Variants in EIF4G3 observed in about 807,000 individuals in gnomAD.
EIF4G3 encodes eIF-4-gamma 3.
In EIF4G3, 34 loss-of-function variants were observed where a neutral mutation model predicts 186.4. The observed-to-expected ratio is 0.18, with a 90% CI of 0.14 to 0.24. EIF4G3 has a LOEUF of 0.24. EIF4G3 is among the 10% of genes least tolerant of loss of function. The probability of loss-of-function intolerance (pLI) is 1.00; values close to 1 mark genes in which losing one functional copy is unlikely to be tolerated. For missense variants in EIF4G3, 1,536 were observed against 1,948.5 expected (o/e 0.79, Z 3.99); for synonymous variants, 673 against 679.5 (o/e 0.99, Z 0.15).
At chr1:20,821,181 A>G (rs961408594) in intron 33 of EIF4G3, among the ~76,000 whole-genome samples, 2 of 152,202 alleles carry the variant, frequency 1.3e-5, no homozygotes, top group Non-Finnish European at 1.5e-5. Flanking sequence ...CTTCAGCATG[A>G]AAGAGTTGAA....
chr1:20,943,974 T>TG lies in EIF4G3; in HGVS notation c.824-1645_824-1644insC, dbSNP rs1558363606. Among the ~76,000 whole-genome samples, 238 of 62,536 alleles carry TG rather than the reference T, an allele frequency of 3.8e-3. 12 individuals carry two copies. The highest frequency in any genetic ancestry group is 9.3e-3 in the African/African-American group (170 of 18,298). 41.0% of individuals were successfully genotyped at this position (62,536 alleles called of 152,430 possible). ...TCAGGAAAACTTGTCTTTATTTTTT[T>TG]TGTGTGTGTGTGTGTGTGTGTGTGT... On this transcript the variant is annotated intron_variant, in intron 13 of 36. Coordinates refer to ENST00000602326, the MANE Select transcript of EIF4G3 (RefSeq NM_001391906.1).
chr1:21,023,513 G>A (rs1571196814), intron 4 of EIF4G3, among the ~76,000 whole-genome samples: 1 of 152,166 alleles, frequency 6.6e-6, no homozygotes, highest in East Asian at 1.9e-4. Context: ...GCCAGCCTCG[G>A]CCTCCCGAGG....
intron 34 of EIF4G3, among the ~76,000 whole-genome samples, chr1:20,816,421 C>T (rs1406088244): frequency 7.8e-6 from 1 of 128,328 alleles, no homozygotes; most frequent in Non-Finnish European, 1.7e-5. Flanking sequence ...GTGGGGGCGC[C>T]TCTGCCCGGC....
At chr1:21,024,703 AAG>A (rs1262832104) in intron 4 of EIF4G3, among the ~76,000 whole-genome samples, 1 of 150,068 alleles carries the variant, frequency 6.7e-6, no homozygotes, top group African/African-American at 2.5e-5. Flanking sequence ...CATGCTCGTT[AAG>A]AGTCATCACC....
chr1:21,031,728 T>C (rs2154571924), intron 4 of EIF4G3, among the ~76,000 whole-genome samples: 1 of 152,236 alleles, frequency 6.6e-6, no homozygotes, highest in East Asian at 1.9e-4. Context: ...AAAAAGTATA[T>C]CCAGATAACT....
At chr1:20,824,658 C>G (rs1264104343) in intron 33 of EIF4G3, among the ~76,000 whole-genome samples, 1 of 152,186 alleles carries the variant, frequency 6.6e-6, no homozygotes, top group Non-Finnish European at 1.5e-5. Flanking sequence ...GGGTATAAGA[C>G]TGTGTCTACT....
intron 3 of EIF4G3, among the ~76,000 whole-genome samples, chr1:21,067,767 G>GA (rs2154579611): frequency 6.6e-6 from 1 of 152,124 alleles, no homozygotes; most frequent in African/African-American, 2.4e-5. Context: ...ACTGCAAGGG[G>GA]AAAATCTGTC....
chr1:20,884,104 C>T (rs1172355499), intron 19 of EIF4G3, among the ~76,000 whole-genome samples: 1 of 152,076 alleles, frequency 6.6e-6, no homozygotes. Flanking sequence ...GGCAACAAAG[C>T]AAGTCCATAT....
chr1:21,049,847 T>C (rs975060755), intron 4 of EIF4G3, among the ~76,000 whole-genome samples: 6 of 152,084 alleles, frequency 3.9e-5, no homozygotes, highest in African/African-American at 1.2e-4. Context: ...GCTATGATCA[T>C]GCCACTGTAC....
At chr1:20,997,243 T>C (rs1160947486) in intron 7 of EIF4G3, among the ~76,000 whole-genome samples, 2 of 152,134 alleles carry the variant, frequency 1.3e-5, no homozygotes, top group Non-Finnish European at 2.9e-5. Flanking sequence ...AGAAAACCCA[T>C]AGAATGCTGC....
intron 20 of EIF4G3, among the ~76,000 whole-genome samples, chr1:20,868,712 G>A (rs1325040201): frequency 6.6e-6 from 1 of 152,206 alleles, no homozygotes; most frequent in Non-Finnish European, 1.5e-5. Context: ...TAAAATGTGT[G>A]TGTTTAAATG....
intron 2 of EIF4G3, among the ~76,000 whole-genome samples, chr1:21,144,101 A>AT (rs979710248): frequency 6.6e-6 from 1 of 152,020 alleles, no homozygotes; most frequent in Non-Finnish European, 1.5e-5. Flanking sequence ...CTTGGCTTCT[A>AT]TTTTTTTGGT....
chr1:20,943,974 TTGTGTGTGTGTGTGTGTG>T (rs1163268356), intron 13 of EIF4G3, among the ~76,000 whole-genome samples: 4 of 62,468 alleles, frequency 6.4e-5, no homozygotes, highest in African/African-American at 1.6e-4. Context: ...TTTATTTTTT[TTGTGTGTGTGTGTGTGTG>T]TGTGTGTGTG....
chr1:21,065,058 C>T (rs764815252), intron 3 of EIF4G3: 5 of 152,094 alleles, frequency 3.3e-5, no homozygotes, highest in Non-Finnish European at 7.4e-5. Flanking sequence ...TTACTATTTT[C>T]CTGTTGATCT....
chr1:21,050,850 A>G lies in EIF4G3; in HGVS notation c.-67+16T>C. ...ACAGGGACATTTCTTATTTTTTTAA[A>G]AAAGGTTTATCTTACTTGAGAGAGT... On this transcript the variant is annotated intron_variant, in intron 4 of 36. Coordinates refer to ENST00000602326, the MANE Select transcript of EIF4G3 (RefSeq NM_001391906.1). 1.4e-6 allele frequency: 1 copy of G among 689,886 alleles called. No homozygotes were observed. Among genetic ancestry groups the G allele is most frequent in the South Asian group, 1.6e-5 (1 of 61,886 alleles). 42.7% of individuals were successfully genotyped at this position (689,886 alleles called of 1,614,324 possible). A position where few individuals can be genotyped will look rare whatever the true frequency, so the allele number is the denominator to read the frequency against.
At chr1:20,987,119 T>C (rs1426836879) in intron 7 of EIF4G3, among the ~76,000 whole-genome samples, 13 of 152,216 alleles carry the variant, frequency 8.5e-5, no homozygotes, top group Admixed American at 8.5e-4. Flanking sequence ...AAAGATGCAA[T>C]AATTCATATC....
intron 33 of EIF4G3, among the ~76,000 whole-genome samples, chr1:20,823,354 G>GGT (rs145910241): frequency 1.3e-3 from 190 of 150,936 alleles, no homozygotes; most frequent in African/African-American, 4.1e-3. Context: ...TACAGATTTT[G>GGT]GTGTGTGTGT....
At chr1:20,861,571 G>C (rs909093490) in intron 23 of EIF4G3, among the ~76,000 whole-genome samples, 2 of 152,016 alleles carry the variant, frequency 1.3e-5, no homozygotes, top group African/African-American at 4.8e-5. Flanking sequence ...GGCTCAGAGA[G>C]TTAAAGGTAT....
intron 2 of EIF4G3, among the ~76,000 whole-genome samples, chr1:21,126,416 T>C (rs575025659): frequency 6.6e-6 from 1 of 152,078 alleles, no homozygotes; most frequent in Admixed American, 6.6e-5. Context: ...AACATTCCCA[T>C]TACTTTGGGA....
Sources: gnomAD v4.1 joint callset for allele counts (sites outside exome capture counted in the v4.1 genomes callset) on GRCh38, gnomAD v4.1.1 for gene constraint, MANE v1.5 for transcripts, NCBI Gene and HGNC (gene_info 2026-07-23, HGNC 2026-07-21) for gene names.